The following ARHGAP32 variants were observed in gnomAD, a reference collection of about 807,000 sequenced individuals.
The protein encoded by ARHGAP32 is rho GTPase-activating protein 32.
A neutral mutation model predicts 186.5 loss-of-function variants in ARHGAP32; 51 were observed. The observed-to-expected ratio is 0.27, with a 90% CI of 0.22 to 0.35. The LOEUF (loss-of-function observed/expected upper bound fraction) is 0.35. Ranked by LOEUF, ARHGAP32 falls within the 10% of genes least tolerant of loss-of-function variation. The pLI, the probability that ARHGAP32 is intolerant of heterozygous loss-of-function variation, is 1.00. For synonymous variants in ARHGAP32, 950 were observed against 964.3 expected, an observed-to-expected ratio of 0.99 and a Z score of 0.27; for missense variants, 2,186 against 2,623.5, an observed-to-expected ratio of 0.83 and a Z score of 3.64.
chr11:129,055,538 G>A (rs1940216018), intron 10 of ARHGAP32, among the ~76,000 whole-genome samples: 1 of 152,084 alleles, frequency 6.6e-6, no homozygotes, highest in Non-Finnish European at 1.5e-5. Flanking sequence ...CAACCACAAG[G>A]TCCTTCAATA....
At chr11:129,139,720 G>A (rs902342404) in intron 2 of ARHGAP32, among the ~76,000 whole-genome samples, 3 of 152,074 alleles carry the variant, frequency 2.0e-5, no homozygotes, top group East Asian at 1.9e-4. Context: ...CTTGCCTTCC[G>A]CCATGATTGT....
At chr11:129,064,174 T>A in intron 8 of ARHGAP32, 150 bp from the exon 9 acceptor site, 2 of 646,960 alleles carry the variant, frequency 3.1e-6, no homozygotes, top group Non-Finnish European at 4.9e-6. Flanking sequence ...GTAGTAAAAA[T>A]ATGCTAGTCA....
At chr11:129,070,573 A>C (rs1269445887) in intron 6 of ARHGAP32, among the ~76,000 whole-genome samples, 1 of 151,998 alleles carries the variant, frequency 6.6e-6, no homozygotes, top group African/African-American at 2.4e-5. Context: ...TTTGTATTTA[A>C]GTTTATGTTG....
At chr11:129,264,311 T>C (rs971882283) in intron 1 of ARHGAP32, among the ~76,000 whole-genome samples, 2 of 152,224 alleles carry the variant, frequency 1.3e-5, no homozygotes, top group Non-Finnish European at 2.9e-5. Context: ...TCTGGAGATC[T>C]ATTGCACAAT....
At chr11:129,022,744 C>T (rs1205040091) in intron 11 of ARHGAP32, among the ~76,000 whole-genome samples, 2 of 152,278 alleles carry the variant, frequency 1.3e-5, no homozygotes, top group African/African-American at 4.8e-5. Flanking sequence ...AGAAAACTGA[C>T]TCAGCTTTCC....
chr11:129,049,076 A>G (rs1939930485), intron 10 of ARHGAP32, among the ~76,000 whole-genome samples: 1 of 152,176 alleles, frequency 6.6e-6, no homozygotes, highest in Non-Finnish European at 1.5e-5. Flanking sequence ...TGTAGGAAAT[A>G]AAAGTGACAC....
chr11:129,177,113 C>T lies in ARHGAP32; in HGVS notation c.117-12686G>A, dbSNP rs986408247. Among the ~76,000 whole-genome samples the T allele has an allele frequency of 2.0e-4, 30 of 151,432 alleles. No homozygotes were observed. The East Asian group carries it at 2.1e-3, about 11-fold the overall frequency. On this transcript the variant is annotated intron_variant, in intron 1 of 22. Transcript: ENST00000682385. ...AAAATGATAAAGGGGATATCACCAC[C>T]GATCCCACAGAAATACAAACTACCA...
chr11:129,193,595 T>TA (rs1944327001), upstream of ARHGAP32, among the ~76,000 whole-genome samples: 1 of 64,336 alleles, frequency 1.6e-5, no homozygotes, highest in Non-Finnish European at 2.7e-5. Flanking sequence ...ATAATATATG[T>TA]TATATATAAT....
At position 129,064,728 on chromosome 11, in the gene ARHGAP32, CTTCAT is replaced by C. The variant is rs928049584; in HGVS notation, c.762+108_762+112del. 3 of 759,470 alleles carry C rather than the reference CTTCAT, an allele frequency of 4.0e-6. No individual in the cohort carries two copies. The Admixed American group carries it at 7.2e-5, about 18-fold the overall frequency. 47.0% of individuals were successfully genotyped at this position (759,470 alleles called of 1,614,324 possible). The stretch of plus-strand genomic sequence containing the variant: ...TATCCTCCCAGATGCTGAGAATATA[CTTCAT>C]TTCTTTGATTCCTGAAGCTCAATAG... On this transcript the variant is annotated intron_variant, in intron 8 of 22. Transcript: ENST00000682385.
At chr11:129,057,757 G>A (rs1033777430) in intron 10 of ARHGAP32, among the ~76,000 whole-genome samples, 2 of 150,428 alleles carry the variant, frequency 1.3e-5, no homozygotes, top group Admixed American at 6.6e-5. Flanking sequence ...TCAAACACAC[G>A]TTGTTCATGG....
upstream of ARHGAP32, among the ~76,000 whole-genome samples, chr11:129,192,658 T>C (rs1464208465): frequency 2.0e-5 from 3 of 152,182 alleles, no homozygotes; most frequent in Admixed American, 6.5e-5. Context: ...AGCACAGTTA[T>C]AGATCTCACA....
chr11:129,191,819 C>T (rs183537097), intron 1 of ARHGAP32, among the ~76,000 whole-genome samples: 1 of 152,004 alleles, frequency 6.6e-6, no homozygotes, highest in Admixed American at 6.6e-5. Flanking sequence ...CTTGAAATTC[C>T]TGAAAGGCTA....
In ARHGAP32 at chr11:128,969,826, T is replaced by A; in HGVS notation, c.5387A>T (p.Asp1796Val). ...QYDNMTPAVQ[D>V]DLGGIYVIHL... The stretch of plus-strand genomic sequence containing the variant: ...GATGACATAGATCCCACCCAAGTCG[T>A]CCTGCACCGCCGGGGTCATGTTATC... Residue 1796 changes from aspartate to valine, a missense_variant, in exon 23 of 23, where the codon GAC becomes GTC. This residue lies in a region of ARHGAP32 where 1,502 missense variants were observed against 1,570.0 expected (regional missense o/e 0.96). Transcript: ENST00000682385. The surrounding 1 kb of genome is among the most constrained non-coding windows in gnomAD (Gnocchi z 4.8). 1 of 1,614,172 alleles carries A rather than the reference T, an allele frequency of 6.2e-7. No individual in the cohort carries two copies.
intron 5 of ARHGAP32, among the ~76,000 whole-genome samples, chr11:129,120,801 A>C (rs1177179433): frequency 6.6e-6 from 1 of 152,116 alleles, no homozygotes; most frequent in African/African-American, 2.4e-5. Flanking sequence ...GATCAGAGTG[A>C]AAAAGAGAAG....
intron 10 of ARHGAP32, among the ~76,000 whole-genome samples, chr11:129,061,459 G>A (rs1940500174): frequency 6.6e-6 from 1 of 152,152 alleles, no homozygotes; most frequent in African/African-American, 2.4e-5. Flanking sequence ...GTATGATAAA[G>A]TTTAATTTAT....
intron 11 of ARHGAP32, among the ~76,000 whole-genome samples, chr11:129,004,155 GT>G (rs1347259968): frequency 6.7e-6 from 1 of 150,370 alleles, no homozygotes; most frequent in African/African-American, 2.4e-5. Context: ...TAATTTCCAT[GT>G]GTTTGTATAG....
rs74614387 is a variant in ARHGAP32 at position 129,210,667 on chromosome 11, G to A, written c.-4-46240C>T. 1.8e-3 allele frequency among the ~76,000 whole-genome samples: 278 copies of A among 152,244 alleles called. 1 individual carries two copies. The highest frequency in any genetic ancestry group is 2.7e-3 in the Non-Finnish European group (185 of 68,014). On this transcript the variant is annotated intron_variant, in intron 1 of 6. Transcript: ENST00000525234. The stretch of plus-strand genomic sequence containing the variant: ...GACATTAAGCGATCTGCACAAGGAC[G>A]TACTGGTGGAGCTTTGAGTCTGACT...
chr11:129,047,016 T>C (rs1939838643), intron 10 of ARHGAP32, among the ~76,000 whole-genome samples: 1 of 151,522 alleles, frequency 6.6e-6, no homozygotes, highest in South Asian at 2.1e-4. Flanking sequence ...TAGTCCCAGC[T>C]ACTTGGGAGG....
At chr11:129,244,875 A>T (rs1945070361) in intron 1 of ARHGAP32, among the ~76,000 whole-genome samples, 1 of 151,080 alleles carries the variant, frequency 6.6e-6, no homozygotes, top group Non-Finnish European at 1.5e-5. Flanking sequence ...CCATCAGAGA[A>T]ATGCAAATCA....
Sources: allele counts gnomAD v4.1 joint callset (sites outside exome capture counted in the v4.1 genomes callset), GRCh38; gene constraint gnomAD v4.1.1; regional missense constraint gnomAD v4.1.1; non-coding constraint Gnocchi (gnomAD v3.1); transcripts MANE v1.5; gene names NCBI Gene and HGNC (gene_info 2026-07-23, HGNC 2026-07-21).